Variants in IBSP observed in about 807,000 individuals in gnomAD.
IBSP encodes the protein integrin-binding sialoprotein.
IBSP carries 19 observed loss-of-function variants against 25.5 expected under a neutral mutation model. That is an observed-to-expected ratio of 0.74 (90% CI 0.52 to 1.09). IBSP has a LOEUF of 1.09. Ranked by LOEUF, IBSP falls within the 50% of genes least tolerant of loss-of-function variation. The pLI is 0.00. For synonymous variants in IBSP, 144 were observed against 137.6 expected (o/e 1.05, Z -0.33); for missense variants, 360 against 382.3 (o/e 0.94, Z 0.49).
Position 87,802,729 on chromosome 4 carries a change from C to A in IBSP, c.181C>A (p.Gln61Lys). The A allele has an allele frequency of 6.6e-7, 1 of 1,524,464 alleles. No individual in the cohort carries two copies. Among genetic ancestry groups the A allele is most frequent in the Non-Finnish European group, 8.8e-7 (1 of 1,140,704 alleles). 94.4% of individuals were successfully genotyped at this position (1,524,464 alleles called of 1,614,324 possible). A position where few individuals can be genotyped will look rare whatever the true frequency, so the allele number is the denominator to read the frequency against. Residue 61 changes from glutamine (Q) to lysine (K), a missense_variant and splice_region_variant, in exon 4 of 7, where the codon CAG (glutamine) becomes AAG (lysine). Coordinates refer to ENST00000226284, the MANE Select transcript of IBSP (RefSeq NM_004967.4). ...FYPHLKRFPVQGSSDSSEENG... is the reference protein window; with the variant it reads ...FYPHLKRFPVKGSSDSSEENG... ...TCCTCATTTAAAACGATTTCCAGTT[C>A]AGGTAAATATAGAAATTCATTTTTC...
At position 87,810,781 on chromosome 4, in the gene IBSP, T is replaced by C; in HGVS notation, c.405+17T>C. The stretch of plus-strand genomic sequence containing the variant: ...CCCAAGAAGGTAACAATGGAATTAT[T>C]CCTCCAAAATGAAATTATTACCATT... On this transcript the variant is annotated intron_variant, in intron 6 of 6. Coordinates refer to ENST00000226284, the MANE Select transcript of IBSP (RefSeq NM_004967.4). 2 of 1,595,632 alleles carry C rather than the reference T, an allele frequency of 1.3e-6. No homozygotes were observed. Among genetic ancestry groups the C allele is most frequent in the Non-Finnish European group, 1.7e-6 (2 of 1,171,340 alleles).
chr4:87,812,278 A>G lies in IBSP; in HGVS notation c.*368A>G, dbSNP rs1433211656. ...AGAAGTGCTTCTAAGAATTTCATTG[A>G]CATTAATGACACTGTATACAATAAA... On this transcript the variant is annotated 3_prime_UTR_variant, in exon 7 of 7. Transcript: ENST00000226284. 1 of 186,036 alleles carries G rather than the reference A, an allele frequency of 5.4e-6. No individual in the cohort carries two copies. The highest frequency in any genetic ancestry group is 2.3e-5 in the African/African-American group (1 of 42,778). 11.5% of individuals were successfully genotyped at this position (186,036 alleles called of 1,614,324 possible).
chr4:87,806,921 C>T (rs181758290), intron 5 of IBSP, among the ~76,000 whole-genome samples: 1 of 152,102 alleles, frequency 6.6e-6, no homozygotes, highest in East Asian at 1.9e-4. Flanking sequence ...ATGAGAATCA[C>T]TTGAACCCGG....
chr4:87,802,773 A>C, intron 4 of IBSP, 42 bp downstream of exon 4: 1 of 1,330,822 alleles, frequency 7.5e-7, no homozygotes, highest in Non-Finnish European at 1.0e-6. Flanking sequence ...AATTTCTATT[A>C]TAATTTAAAG....
chr4:87,811,634 GACA>G lies in IBSP; in HGVS notation c.684_686del (p.Thr229del). ...GAAGGCAGGGCAAGGGCACCTCGAA[GACA>G]ACAACCTCTCCAAATGGTGGGTTTG... On this transcript the variant is annotated inframe_deletion, in exon 7 of 7. Transcript: ENST00000226284. The G allele has an allele frequency of 6.2e-7, 1 of 1,613,720 alleles. No individual in the cohort carries two copies. Among genetic ancestry groups the G allele is most frequent in the Non-Finnish European group, 8.5e-7 (1 of 1,179,952 alleles).
Position 87,812,090 on chromosome 4 carries a change from TG to T in IBSP, c.*182del, listed in dbSNP as rs1722187889. 3 of 502,832 alleles carry T rather than the reference TG, an allele frequency of 6.0e-6. No individual in the cohort carries two copies. The South Asian group carries it at 1.2e-4, about 20-fold the overall frequency. 31.1% of individuals were successfully genotyped at this position (502,832 alleles called of 1,614,324 possible). A position where few individuals can be genotyped will look rare whatever the true frequency, so the allele number is the denominator to read the frequency against. On this transcript the variant is annotated 3_prime_UTR_variant, in exon 7 of 7. Coordinates refer to ENST00000226284, the MANE Select transcript of IBSP (RefSeq NM_004967.4). ...ATAGGCTTCTTGTCCCTTTTTTTTCTGGCATGTTATGGAATGATCATTGTAA... is the reference window on the plus strand; with the variant it reads ...ATAGGCTTCTTGTCCCTTTTTTTTCTGCATGTTATGGAATGATCATTGTAA...
At position 87,811,647 on chromosome 4, in the gene IBSP, CCAAATGGTGGGTTTG is replaced by C. The variant is rs1334321281; in HGVS notation, c.692_706del (p.Pro231_Glu236delinsGln). 6.2e-7 allele frequency: 1 copy of C among 1,613,748 alleles called. No homozygotes were observed. On this transcript the variant is annotated inframe_deletion, in exon 7 of 7. Coordinates refer to ENST00000226284, the MANE Select transcript of IBSP (RefSeq NM_004967.4). The stretch of plus-strand genomic sequence containing the variant: ...GGGCACCTCGAAGACAACAACCTCT[CCAAATGGTGGGTTTG>C]AACCTACAACCCCACCACAAGTCTA...
At chr4:87,802,443 A>AT in intron 2 of IBSP, 28 bp downstream of exon 2, 1 of 1,600,788 alleles carries the variant, frequency 6.2e-7, no homozygotes, top group Non-Finnish European at 8.5e-7. Flanking sequence ...ACCCACAGTT[A>AT]TTTTCAGTTT....
intron 1 of IBSP, among the ~76,000 whole-genome samples, chr4:87,801,034 T>C (rs1722005769): frequency 6.6e-6 from 1 of 152,128 alleles, no homozygotes; most frequent in South Asian, 2.1e-4. Context: ...TAATTTTAAA[T>C]ACAATTTTAT....
At chr4:87,805,541 A>G (rs1338999689) in intron 4 of IBSP, among the ~76,000 whole-genome samples, 1 of 152,196 alleles carries the variant, frequency 6.6e-6, no homozygotes, top group Non-Finnish European at 1.5e-5. Context: ...CTATTAAATT[A>G]AGTGCTAATT....
In IBSP at chr4:87,811,821, A is replaced by G. The variant is rs1722181689; in HGVS notation, c.865A>G (p.Asn289Asp). Residue 289 changes from asparagine to aspartate, a missense_variant, in exon 7 of 7, where the codon AAT (asparagine) becomes GAT (aspartate). By Grantham distance (23) the Asn-to-Asp change is conservative. Coordinates refer to ENST00000226284, the MANE Select transcript of IBSP (RefSeq NM_004967.4). ...TGAGAACGGGGAACCTCGTGGGGAC[A>G]ATTACCGAGCCTATGAAGATGAGTA... ...ESENGEPRGDNYRAYEDEYSY... is the reference protein window; with the variant it reads ...ESENGEPRGDDYRAYEDEYSY... 6.2e-7 allele frequency: 1 copy of G among 1,610,252 alleles called. No individual in the cohort carries two copies.
chr4:87,803,644 T>C (rs552446537), intron 4 of IBSP, among the ~76,000 whole-genome samples: 5 of 152,302 alleles, frequency 3.3e-5, no homozygotes, highest in African/African-American at 1.2e-4. Flanking sequence ...TCTTACCATA[T>C]GTTGGGCTAA....
At chr4:87,800,657 ACTGT>A (rs1489477063) in intron 1 of IBSP, among the ~76,000 whole-genome samples, 1 of 152,114 alleles carries the variant, frequency 6.6e-6, no homozygotes, top group East Asian at 1.9e-4. Flanking sequence ...ACTGTGAGAA[ACTGT>A]CTGGGCACCA....
intron 5 of IBSP, among the ~76,000 whole-genome samples, chr4:87,809,897 T>C (rs1240550784): frequency 6.6e-6 from 1 of 152,156 alleles, no homozygotes; most frequent in East Asian, 1.9e-4. Flanking sequence ...ATATTAAAGA[T>C]TATAATAGAC....
chr4:87,806,094 G>T, intron 4 of IBSP, 28 bp from the exon 5 acceptor site: 1 of 1,494,802 alleles, frequency 6.7e-7, no homozygotes, highest in East Asian at 2.3e-5. Context: ...ACAGATAAGA[G>T]TATACATACA....
At chr4:87,801,536 A>C (rs1560525847) in intron 1 of IBSP, among the ~76,000 whole-genome samples, 1 of 151,724 alleles carries the variant, frequency 6.6e-6, no homozygotes, top group Middle Eastern at 3.4e-3. Flanking sequence ...ACACACACAC[A>C]CCAATTATTC....
chr4:87,806,152 G>C lies in IBSP; in HGVS notation c.214G>C (p.Asp72His), dbSNP rs757768634. The change falls in exon 5 of 7, where the codon GAT (aspartate) becomes CAT (histidine). Residue 72 changes from aspartate (D) to histidine (H), a missense_variant. Asp to His is a moderately conservative substitution (Grantham distance 81). Coordinates refer to ENST00000226284, the MANE Select transcript of IBSP (RefSeq NM_004967.4). ...TAGTGACTCATCCGAAGAAAATGGA[G>C]ATGACAGTTCAGAAGAGGAGGAGGA... ...GSSDSSEENGDDSSEEEEEEE... is the reference protein window; with the variant it reads ...GSSDSSEENGHDSSEEEEEEE... The C allele has an allele frequency of 4.3e-6, 7 of 1,611,966 alleles. No individual in the cohort carries two copies. The highest frequency in any genetic ancestry group is 5.9e-6 in the Non-Finnish European group (7 of 1,179,208).
Position 87,806,103 on chromosome 4 carries a change from C to T in IBSP, c.184-19C>T. ...TTGTACACAGATAAGAGTATACATA[C>T]ATGTGTATATATTTTTAGGGCAGTA... On this transcript the variant is annotated intron_variant, in intron 4 of 6. Transcript: ENST00000226284. 1 of 1,569,734 alleles carries T rather than the reference C, an allele frequency of 6.4e-7. No homozygotes were observed. The highest frequency in any genetic ancestry group is 1.1e-5 in the South Asian group (1 of 89,400).
intron 5 of IBSP, 144 bp downstream of exon 5, chr4:87,806,328 T>G: frequency 1.5e-6 from 1 of 666,638 alleles, no homozygotes. Context: ...TAAGCAGAAT[T>G]TTATTTAAAT....
Sources: gnomAD v4.1 joint callset for allele counts (sites outside exome capture counted in the v4.1 genomes callset) on GRCh38, gnomAD v4.1.1 for gene constraint, MANE v1.5 for transcripts, NCBI Gene and HGNC (gene_info 2026-07-23, HGNC 2026-07-21) for gene names.